FAT4: variants seen among roughly 807,000 people sequenced by gnomAD.
FAT4 encodes protocadherin Fat 4.
FAT4 carries 84 observed loss-of-function variants against 303.9 expected under a neutral mutation model. That is an observed-to-expected ratio of 0.28 (90% CI 0.23 to 0.33). FAT4 has a LOEUF of 0.33. Among genes scored for constraint, FAT4 ranks in the 10% least tolerant of loss-of-function variants. The pLI, the probability that FAT4 is intolerant of heterozygous loss-of-function variation, is 1.00. For synonymous variants in FAT4, 2,307 were observed against 2,298.8 expected (o/e 1.00, Z -0.10); for missense variants, 6,005 against 6,146.8 (o/e 0.98, Z 0.77).
intron 9 of FAT4, 118 bp downstream of exon 9, chr4:125,446,661 C>T: frequency 9.4e-7 from 1 of 1,060,940 alleles, no homozygotes; most frequent in Non-Finnish European, 1.3e-6. Context: ...TTTTGCAAAT[C>T]CTCTAAAATT....
chr4:125,371,500 A>G (rs1288502981), intron 2 of FAT4, among the ~76,000 whole-genome samples: 1 of 151,834 alleles, frequency 6.6e-6, no homozygotes, highest in Non-Finnish European at 1.5e-5. Flanking sequence ...AGAAACTGAC[A>G]TGATTTCATG....
intron 2 of FAT4, among the ~76,000 whole-genome samples, chr4:125,336,341 T>C (rs1057390151): frequency 1.3e-5 from 2 of 152,046 alleles, no homozygotes; most frequent in Non-Finnish European, 2.9e-5. Flanking sequence ...AACTACAGAA[T>C]TTTTAAATTT....
chr4:125,421,820 A>C (rs1724905399), intron 7 of FAT4, among the ~76,000 whole-genome samples: 1 of 152,126 alleles, frequency 6.6e-6, no homozygotes, highest in Admixed American at 6.5e-5. Context: ...GAACTTGCAG[A>C]CCCAGGTAGT....
At position 125,353,735 on chromosome 4, in the gene FAT4, ATACT is replaced by A. The variant is rs1157310787; in HGVS notation, c.5175+32151_5175+32154del. On this transcript the variant is annotated intron_variant, in intron 2 of 17. Coordinates refer to ENST00000394329, the MANE Select transcript of FAT4 (RefSeq NM_001291303.3). The stretch of plus-strand genomic sequence containing the variant: ...TCTATAATATGACTTATATGCATAC[ATACT>A]TTATTAAAAGTGAACATTTGTTACA... Among the ~76,000 whole-genome samples the A allele has an allele frequency of 5.9e-5, 9 of 151,840 alleles. No individual in the cohort carries two copies. The South Asian group carries it at 1.7e-3, about 28-fold the overall frequency.
chr4:125,390,247 G>A (rs888712134), intron 2 of FAT4, among the ~76,000 whole-genome samples: 1 of 151,990 alleles, frequency 6.6e-6, no homozygotes, highest in African/African-American at 2.4e-5. Flanking sequence ...CATGTTTAAG[G>A]TCAGGTCATA....
chr4:125,318,656 A>G lies in FAT4; in HGVS notation c.2245A>G (p.Met749Val). The stretch of plus-strand genomic sequence containing the variant: ...TCAGAGTGGGGTTATTTCTACAAGA[A>G]TGGCCCTAGACAGAGAAGAAAAAAC... Reference protein sequence around the residue: ...NAQSGVISTRMALDREEKTAY... With the variant: ...NAQSGVISTRVALDREEKTAY... The change falls in exon 2 of 18, where the codon ATG (methionine) becomes GTG (valine). Residue 749 changes from methionine (M) to valine (V), a missense_variant. Met to Val is a conservative substitution (Grantham distance 21). Transcript: ENST00000394329. The G allele has an allele frequency of 6.2e-7, 1 of 1,614,150 alleles. No individual in the cohort carries two copies. The highest frequency in any genetic ancestry group is 8.5e-7 in the Non-Finnish European group (1 of 1,180,020).
chr4:125,477,175 A>C lies in FAT4; in HGVS notation c.12320A>C (p.Asn4107Thr). 7.2e-7 allele frequency: 1 copy of C among 1,381,532 alleles called. No individual in the cohort carries two copies. The highest frequency in any genetic ancestry group is 9.5e-7 in the Non-Finnish European group (1 of 1,056,710). 85.6% of individuals were successfully genotyped at this position (1,381,532 alleles called of 1,614,324 possible). ...TTTAGGACTCTTGATGTTCAGCCAA[A>C]TAGAGTTACAGTTGGAGGTATCAGA... ...SDDWTLDVQP[N>T]RVTVGGIRSL... The change falls in exon 14 of 18, where the codon AAT becomes ACT. Residue 4107 changes from asparagine (N) to threonine (T), a missense_variant. Physicochemically the swap from Asn to Thr is moderately conservative, Grantham distance 65. Coordinates refer to ENST00000394329, the MANE Select transcript of FAT4 (RefSeq NM_001291303.3).
Position 125,318,057 on chromosome 4 carries a change from T to G in FAT4, c.1646T>G (p.Val549Gly). The G allele has an allele frequency of 6.2e-7, 1 of 1,614,094 alleles. No individual in the cohort carries two copies. Among genetic ancestry groups the G allele is most frequent in the Non-Finnish European group, 8.5e-7 (1 of 1,180,018 alleles). ...GACCGTGAACTTGCTTCCCAGATTG[T>G]TCTGAATATAAGTGCCCGGGACCAG... The part of the protein sequence containing the change: ...GLDRELASQI[V>G]LNISARDQGV... The change falls in exon 2 of 18, where the codon GTT (valine) becomes GGT (glycine). Residue 549 changes from valine to glycine, a missense_variant. Coordinates refer to ENST00000394329, the MANE Select transcript of FAT4 (RefSeq NM_001291303.3).
chr4:125,345,341 G>A (rs577058368), intron 2 of FAT4, among the ~76,000 whole-genome samples: 12 of 151,318 alleles, frequency 7.9e-5, no homozygotes, highest in Non-Finnish European at 4.4e-5. Context: ...TGTGTTTTTG[G>A]TTTGGGGTCT....
chr4:125,330,955 G>A (rs1039841747), intron 2 of FAT4, among the ~76,000 whole-genome samples: 4 of 151,990 alleles, frequency 2.6e-5, no homozygotes, highest in African/African-American at 7.3e-5. Context: ...AGAGCTCCAG[G>A]CCCCAGCCTC....
Position 125,317,746 on chromosome 4 carries a change from G to T in FAT4, c.1335G>T (p.Gly445=). The T allele has an allele frequency of 6.2e-7, 1 of 1,614,076 alleles. No homozygotes were observed. The highest frequency in any genetic ancestry group is 8.5e-7 in the Non-Finnish European group (1 of 1,180,026). Residue 445 remains glycine (G), a synonymous_variant, in exon 2 of 18, where the codon GGG becomes GGT. Transcript: ENST00000394329. The surrounding 1 kb of genome is among the most constrained non-coding windows in gnomAD (Gnocchi z 7.0). The part of the protein sequence containing the change: ...NLTVSVSDNY[G]APPGAAVQAR... The stretch of plus-strand genomic sequence containing the variant: ...CAGTTTCCGTCTCTGATAACTACGG[G>T]GCGCCCCCTGGCGCAGCAGTCCAGG...
chr4:125,321,280 C>T lies in FAT4; in HGVS notation c.4869C>T (p.Gly1623=), dbSNP rs1730932074. Reference sequence around the variant, plus strand: ...CTGAATTGACCATCATTCTTCAGGGCCTTGATGGACCTGTTTTTACTCAAC... The same window carrying T: ...CTGAATTGACCATCATTCTTCAGGGTCTTGATGGACCTGTTTTTACTCAAC... ...STTELTIILQ[G]LDGPVFTQPK... Residue 1623 remains glycine, a synonymous_variant, in exon 2 of 18, where the codon GGC becomes GGT. Transcript: ENST00000394329. The T allele has an allele frequency of 6.2e-7, 1 of 1,613,906 alleles. No individual in the cohort carries two copies. The highest frequency in any genetic ancestry group is 2.2e-5 in the East Asian group (1 of 44,872).
chr4:125,329,474 G>A (rs890359151), intron 2 of FAT4, among the ~76,000 whole-genome samples: 24 of 152,204 alleles, frequency 1.6e-4, no homozygotes, highest in South Asian at 1.2e-3. Context: ...TCACTTCTCA[G>A]CCTCGTTCGC....
intron 7 of FAT4, among the ~76,000 whole-genome samples, chr4:125,417,219 C>T (rs1735111066): frequency 6.6e-6 from 1 of 152,128 alleles, no homozygotes; most frequent in Non-Finnish European, 1.5e-5. Context: ...ACCTTACACT[C>T]TACTTCCTGA....
Position 125,491,069 on chromosome 4 carries a change from G to A in FAT4, c.14253G>A (p.Leu4751=). The change falls in exon 18 of 18, where the codon CTG becomes CTA. Residue 4751 remains leucine, a synonymous_variant. Transcript: ENST00000394329. The stretch of plus-strand genomic sequence containing the variant: ...GCATTTTCAACTATGCCACAAGGCT[G>A]GGAAGGAGAAGCAAGAGTCCTCAGG... The part of the protein sequence containing the change: ...QPGIFNYATR[L]GRRSKSPQAM... The A allele has an allele frequency of 6.2e-7, 1 of 1,614,192 alleles. No individual in the cohort carries two copies. The highest frequency in any genetic ancestry group is 2.2e-5 in the East Asian group (1 of 44,872).
Position 125,491,799 on chromosome 4 carries a change from A to C in FAT4, c.*31A>C. ...ATGTACTGGCACTATAAAATATAAA[A>C]ACAAGAAATAATACTCAAACCATTG... is the stretch of plus-strand genomic sequence containing the variant. On this transcript the variant is annotated 3_prime_UTR_variant, in exon 18 of 18. Transcript: ENST00000394329. 6.5e-7 allele frequency: 1 copy of C among 1,537,520 alleles called. No homozygotes were observed. The highest frequency in any genetic ancestry group is 8.7e-7 in the Non-Finnish European group (1 of 1,145,006).
chr4:125,468,586 G>T lies in FAT4; in HGVS notation c.11980G>T (p.Asp3994Tyr). Residue 3994 changes from aspartate to tyrosine, a missense_variant, in exon 12 of 18, where the codon GAC becomes TAC. By Grantham distance (160) the Asp-to-Tyr change is radical (BLOSUM62 -3). Transcript: ENST00000394329. ...ATCATACATGGAATTTCCAAGCTTG[G>T]ACCCCAATAACAACTATATTTATGT... ...ELSYMEFPSLDPNNNYIYVKF... is the reference protein window; with the variant it reads ...ELSYMEFPSLYPNNNYIYVKF... 6.2e-7 allele frequency: 1 copy of T among 1,613,898 alleles called. No individual in the cohort carries two copies.
At chr4:125,434,097 T>G in intron 7 of FAT4, 148 bp from the exon 8 acceptor site, 1 of 665,130 alleles carries the variant, frequency 1.5e-6, no homozygotes, top group Non-Finnish European at 2.5e-6. Context: ...TGTAACAAAA[T>G]TAAAAATCAC....
chr4:125,371,338 A>G (rs1202992716), intron 2 of FAT4, among the ~76,000 whole-genome samples: 1 of 151,880 alleles, frequency 6.6e-6, no homozygotes, highest in Non-Finnish European at 1.5e-5. Flanking sequence ...TAGTTATACA[A>G]ATAATATTAT....
Sources: gnomAD v4.1 joint callset for allele counts (sites outside exome capture counted in the v4.1 genomes callset) on GRCh38, gnomAD v4.1.1 for gene constraint, Gnocchi (gnomAD v3.1) non-coding constraint, MANE v1.5 for transcripts, NCBI Gene and HGNC (gene_info 2026-07-23, HGNC 2026-07-21) for gene names.